The following MACROD2 variants were observed in gnomAD, a reference collection of about 807,000 sequenced individuals.
MACROD2 encodes the protein mono-ADP ribosylhydrolase 2.
MACROD2 carries 36 observed loss-of-function variants against 70.4 expected under a neutral mutation model. The observed-to-expected ratio is 0.51, with a 90% CI of 0.39 to 0.68. The LOEUF is 0.68. Ranked by LOEUF, MACROD2 falls within the 30% of genes least tolerant of loss-of-function variation. The probability of loss-of-function intolerance (pLI) is 0.00; values close to 1 mark genes in which losing one functional copy is unlikely to be tolerated. For synonymous variants in MACROD2, 172 were observed against 178.8 expected (o/e 0.96, Z 0.30); for missense variants, 496 against 538.4 (o/e 0.92, Z 0.78).
chr20:15,375,260 T>C (rs1217827484), intron 6 of MACROD2, among the ~76,000 whole-genome samples: 2 of 152,180 alleles, frequency 1.3e-5, no homozygotes, highest in African/African-American at 4.8e-5. Context: ...ATGTGGATTA[T>C]AGATAAACTC....
intron 5 of MACROD2, among the ~76,000 whole-genome samples, chr20:14,934,360 G>A (rs917979975): frequency 6.6e-6 from 1 of 152,182 alleles, no homozygotes; most frequent in Non-Finnish European, 1.5e-5. Context: ...GAGAGCAGCA[G>A]CATAGCTGCT....
intron 5 of MACROD2, among the ~76,000 whole-genome samples, chr20:14,987,066 A>G (rs2074856032): frequency 6.6e-6 from 1 of 152,178 alleles, no homozygotes; most frequent in Admixed American, 6.5e-5. Flanking sequence ...CATTTTCCAA[A>G]GAGCTTTGGA....
intron 3 of MACROD2, among the ~76,000 whole-genome samples, chr20:14,460,182 A>G (rs1187806075): frequency 1.3e-5 from 2 of 152,088 alleles, no homozygotes; most frequent in African/African-American, 2.4e-5. Flanking sequence ...GCTGCAATAA[A>G]CATACGTGTG....
chr20:15,499,085 G>A (rs548235418), intron 7 of MACROD2, among the ~76,000 whole-genome samples: 1 of 152,166 alleles, frequency 6.6e-6, no homozygotes, highest in African/African-American at 2.4e-5. Context: ...GAATGTGTTT[G>A]GTTTAGATCA....
intron 4 of MACROD2, among the ~76,000 whole-genome samples, chr20:14,528,755 A>G (rs1243581554): frequency 6.6e-6 from 1 of 152,074 alleles, no homozygotes; most frequent in Non-Finnish European, 1.5e-5. Context: ...ACCATTGATT[A>G]GGTTGGGTTG....
intron 15 of MACROD2, among the ~76,000 whole-genome samples, chr20:15,989,785 CTTTTA>C (rs1180724408): frequency 6.6e-6 from 1 of 151,638 alleles, no homozygotes; most frequent in African/African-American, 2.4e-5. Context: ...TATTCCTTCT[CTTTTA>C]TTTTAAGACT....
At chr20:14,095,631 T>C (rs1238786375) in intron 3 of MACROD2, among the ~76,000 whole-genome samples, 1 of 152,204 alleles carries the variant, frequency 6.6e-6, no homozygotes, top group Non-Finnish European at 1.5e-5. Flanking sequence ...CTATATTAAA[T>C]ATAGATAATT....
chr20:14,024,007 C>T lies in MACROD2; in HGVS notation c.163+21603C>T, dbSNP rs149752871. ...ACTTTGGGTAGTATGGCCATTTTCA[C>T]GATACTGATTCTTCCTATCCATGAG... On this transcript the variant is annotated intron_variant, in intron 2 of 17. Coordinates refer to ENST00000684519, the MANE Select transcript of MACROD2 (RefSeq NM_001351661.2). Among the ~76,000 whole-genome samples, 542 of 152,208 alleles carry T rather than the reference C, an allele frequency of 3.6e-3. 1 individual carries two copies. Among genetic ancestry groups the T allele is most frequent in the African/African-American group, 0.011 (448 of 41,532 alleles).
intron 15 of MACROD2, among the ~76,000 whole-genome samples, chr20:16,013,954 C>A (rs1192670947): frequency 1.3e-5 from 2 of 152,206 alleles, no homozygotes; most frequent in African/African-American, 4.8e-5. Flanking sequence ...ATGTCCCATC[C>A]TGGCTATATC....
At chr20:14,756,264 GTA>G (rs1363040716) in intron 5 of MACROD2, among the ~76,000 whole-genome samples, 1 of 151,762 alleles carries the variant, frequency 6.6e-6, no homozygotes, top group Non-Finnish European at 1.5e-5. Context: ...TACTTTTTAT[GTA>G]TGTTACTCCT....
chr20:15,976,097 G>A (rs1339258), intron 13 of MACROD2, among the ~76,000 whole-genome samples: 12,612 of 152,238 alleles, frequency 0.083, 674 homozygotes, highest in East Asian at 0.25. Flanking sequence ...CTAATAATCT[G>A]CAAGCAATAA....
Position 16,050,190 on chromosome 20 carries a change from CAT to C in MACROD2, c.*315_*316del. On this transcript the variant is annotated 3_prime_UTR_variant, in exon 18 of 18. Transcript: ENST00000684519. Reference sequence around the variant, plus strand: ...TCACAGTGGCTTGATTGAACACTCACATGTGTATCCTGGCCCCTGTCTGCTTT... The same window carrying C: ...TCACAGTGGCTTGATTGAACACTCACGTGTATCCTGGCCCCTGTCTGCTTT... The C allele has an allele frequency of 4.1e-6, 1 of 241,052 alleles. No homozygotes were observed. Among genetic ancestry groups the C allele is most frequent in the Non-Finnish European group, 8.2e-6 (1 of 122,302 alleles). The allele number at this position is 241,052 out of a possible 1,614,324, so 14.9% of individuals were successfully genotyped here.
intron 8 of MACROD2, among the ~76,000 whole-genome samples, chr20:15,840,492 ATC>A (rs988849229): frequency 5.9e-5 from 9 of 152,168 alleles, no homozygotes; most frequent in African/African-American, 2.2e-4. Flanking sequence ...ACAAAAAAAG[ATC>A]TTTTAGATCT....
At chr20:15,216,015 G>C (rs2076807269) in intron 5 of MACROD2, among the ~76,000 whole-genome samples, 1 of 152,070 alleles carries the variant, frequency 6.6e-6, no homozygotes, top group African/African-American at 2.4e-5. Context: ...TGAAAGAGTA[G>C]TAATAATTTT....
chr20:15,582,878 C>T (rs544905586), intron 8 of MACROD2, among the ~76,000 whole-genome samples: 157 of 152,270 alleles, frequency 1.0e-3, no homozygotes, highest in African/African-American at 3.6e-3. Flanking sequence ...CAAGTTCTGT[C>T]GGGGTTGAGA....
At chr20:15,413,609 C>T (rs1267525418) in intron 6 of MACROD2, among the ~76,000 whole-genome samples, 1 of 151,970 alleles carries the variant, frequency 6.6e-6, no homozygotes, top group African/African-American at 2.4e-5. Context: ...CTGAGAGTTC[C>T]AAGAATCTTT....
At chr20:14,037,213 A>T (rs931828270) in intron 2 of MACROD2, among the ~76,000 whole-genome samples, 20 of 152,232 alleles carry the variant, frequency 1.3e-4, no homozygotes, top group Admixed American at 2.0e-4. Flanking sequence ...ATATGGACAA[A>T]TCATAAATGA....
At chr20:15,571,351 C>A (rs959854509) in intron 8 of MACROD2, among the ~76,000 whole-genome samples, 1 of 151,764 alleles carries the variant, frequency 6.6e-6, no homozygotes, top group African/African-American at 2.4e-5. Context: ...TATTCCTTTT[C>A]TTTGGTTTAT....
intron 5 of MACROD2, among the ~76,000 whole-genome samples, chr20:15,073,038 G>A (rs1434850695): frequency 6.6e-6 from 1 of 152,060 alleles, no homozygotes; most frequent in Non-Finnish European, 1.5e-5. Flanking sequence ...TCTGCCATGG[G>A]ATGATAATAT....
Sources: gnomAD v4.1 joint callset for allele counts (sites outside exome capture counted in the v4.1 genomes callset) on GRCh38, gnomAD v4.1.1 for gene constraint, MANE v1.5 for transcripts, NCBI Gene and HGNC (gene_info 2026-07-23, HGNC 2026-07-21) for gene names.